The following KIAA0319L variants were observed in gnomAD, a reference collection of about 807,000 sequenced individuals.
KIAA0319L encodes the protein KIAA0319 like, also known as dyslexia-associated protein KIAA0319-like protein.
KIAA0319L carries 55 observed loss-of-function variants against 120.1 expected under a neutral mutation model. The observed-to-expected ratio is 0.46, with a 90% CI of 0.37 to 0.57. The LOEUF is 0.57. Ranked by LOEUF, KIAA0319L falls within the 20% of genes least tolerant of loss-of-function variation. The pLI is 0.00. For synonymous variants in KIAA0319L, 398 were observed against 471.9 expected, an observed-to-expected ratio of 0.84 and a Z score of 2.03; for missense variants, 1,049 against 1,255.3, an observed-to-expected ratio of 0.84 and a Z score of 2.48.
intron 8 of KIAA0319L, 77 bp downstream of exon 8, chr1:35,462,544 A>G (rs1642971686): frequency 8.0e-7 from 1 of 1,256,962 alleles, no homozygotes; most frequent in Non-Finnish European, 1.2e-6. Flanking sequence ...AGCTGGCCCC[A>G]AATCTTCTAC....
intron 3 of KIAA0319L, among the ~76,000 whole-genome samples, chr1:35,495,862 A>G (rs1249733683): frequency 7.4e-6 from 1 of 135,344 alleles, no homozygotes; most frequent in Non-Finnish European, 1.5e-5. Flanking sequence ...TTAACACTCT[A>G]CAAAAAAAAA....
In KIAA0319L at chr1:35,474,981, A is replaced by C. The variant is rs1643855151; in HGVS notation, c.914-75T>G. The C allele has an allele frequency of 3.5e-6, 3 of 854,110 alleles. 1 individual carries two copies. The South Asian group carries it at 4.6e-5, about 13-fold the overall frequency. 52.9% of individuals were successfully genotyped at this position (854,110 alleles called of 1,614,324 possible). A position where few individuals can be genotyped will look rare whatever the true frequency, so the allele number is the denominator to read the frequency against. ...TTATTTCTCTCTTTCTTTTGTGATCAAACTCCTTTCATGATCAATATTCAG... is the reference window on the plus strand; with the variant it reads ...TTATTTCTCTCTTTCTTTTGTGATCCAACTCCTTTCATGATCAATATTCAG... On this transcript the variant is annotated intron_variant, in intron 4 of 20. Transcript: ENST00000325722.
At chr1:35,507,408 A>C (rs1645247170) in intron 2 of KIAA0319L, among the ~76,000 whole-genome samples, 1 of 152,148 alleles carries the variant, frequency 6.6e-6, no homozygotes, top group Non-Finnish European at 1.5e-5. Context: ...ATGTCACTTC[A>C]TAAACAGGAA....
intron 2 of KIAA0319L, among the ~76,000 whole-genome samples, chr1:35,513,294 T>TA (rs1645547418): frequency 7.8e-6 from 1 of 128,324 alleles, no homozygotes; most frequent in Non-Finnish European, 1.6e-5. Flanking sequence ...ATATATTTTT[T>TA]TTTTTTTTTT....
At chr1:35,554,024 G>A (rs990746752) in intron 2 of KIAA0319L, among the ~76,000 whole-genome samples, 1 of 152,170 alleles carries the variant, frequency 6.6e-6, no homozygotes, top group African/African-American at 2.4e-5. Flanking sequence ...AAACCATGAG[G>A]TAGATAATAA....
chr1:35,513,286 ATATTTTTTT>A (rs1236631719), intron 2 of KIAA0319L, among the ~76,000 whole-genome samples: 2 of 102,778 alleles, frequency 1.9e-5, no homozygotes, highest in African/African-American at 8.1e-5. Flanking sequence ...ATATATATAT[ATATTTTTTT>A]TTTTTTTTTT....
chr1:35,449,809 G>C, intron 15 of KIAA0319L, 58 bp downstream of exon 15: 1 of 1,593,490 alleles, frequency 6.3e-7, no homozygotes, highest in South Asian at 1.1e-5. Flanking sequence ...TCTCAGGATA[G>C]AGGCCTTGAT....
intron 20 of KIAA0319L, 45 bp downstream of exon 20, chr1:35,441,002 G>A (rs1641168548): frequency 2.8e-6 from 4 of 1,451,058 alleles, no homozygotes; most frequent in Non-Finnish European, 3.9e-6. Context: ...GCCTTCCACA[G>A]AGAGAGTGCA....
chr1:35,528,405 T>G (rs980528737), intron 2 of KIAA0319L, among the ~76,000 whole-genome samples: 1 of 152,232 alleles, frequency 6.6e-6, no homozygotes, highest in Non-Finnish European at 1.5e-5. Context: ...AGGTGCATGT[T>G]GTTTAATTTC....
At position 35,443,089 on chromosome 1, in the gene KIAA0319L, C is replaced by A. The variant is rs891723245; in HGVS notation, c.2657-61G>T. 14 of 1,607,716 alleles carry A rather than the reference C, an allele frequency of 8.7e-6. No homozygotes were observed. In the African/African-American group the frequency reaches 1.7e-4, roughly 20 times the overall value. On this transcript the variant is annotated intron_variant, in intron 17 of 20. Coordinates refer to ENST00000325722, the MANE Select transcript of KIAA0319L (RefSeq NM_024874.5). ...ACTCAGCCAGGGGTGACAAGCAGCACCTAGAGCCCATGAGGGCACCAAAGC... is the reference window on the plus strand; with the variant it reads ...ACTCAGCCAGGGGTGACAAGCAGCAACTAGAGCCCATGAGGGCACCAAAGC...
chr1:35,498,006 C>G (rs929948380), intron 3 of KIAA0319L, among the ~76,000 whole-genome samples: 3 of 152,058 alleles, frequency 2.0e-5, no homozygotes, highest in African/African-American at 7.2e-5. Flanking sequence ...GAAACAGAAA[C>G]AGGAGACATG....
chr1:35,554,871 T>C (rs1421387064), intron 1 of KIAA0319L: 1 of 158,280 alleles, frequency 6.3e-6, no homozygotes, highest in Non-Finnish European at 1.4e-5. Context: ...CTAACAGCTT[T>C]GTGACTTTGA....
chr1:35,514,166 AT>A (rs1027830463), intron 2 of KIAA0319L, among the ~76,000 whole-genome samples: 2 of 152,178 alleles, frequency 1.3e-5, no homozygotes, highest in Admixed American at 1.3e-4. Context: ...AAAGATCATT[AT>A]AAAGACCAGG....
chr1:35,437,950 G>A lies in KIAA0319L; in HGVS notation c.2963-2869C>T, dbSNP rs1444810338. 6.6e-6 allele frequency among the ~76,000 whole-genome samples: 1 copy of A among 152,108 alleles called. No homozygotes were observed. The highest frequency in any genetic ancestry group is 1.5e-5 in the Non-Finnish European group (1 of 68,022). The stretch of plus-strand genomic sequence containing the variant: ...CATCTCTCGGTTGGAAGTCAGCCCT[G>A]ACCTTGCCAGACCTAGCTATAACCC... On this transcript the variant is annotated intron_variant, in intron 20 of 20. Coordinates refer to ENST00000325722, the MANE Select transcript of KIAA0319L (RefSeq NM_024874.5). This position sits in a 1 kb window ranked among gnomAD's most constrained non-coding sequence, Gnocchi z 4.1.
intron 2 of KIAA0319L, among the ~76,000 whole-genome samples, chr1:35,530,163 G>A (rs112337537): frequency 1.3e-5 from 2 of 150,566 alleles, no homozygotes; most frequent in Non-Finnish European, 2.9e-5. Context: ...AGCCTCCTGC[G>A]TAGCTGCGAC....
At chr1:35,533,206 A>C (rs1172438628) in intron 2 of KIAA0319L, 1 of 152,202 alleles carries the variant, frequency 6.6e-6, no homozygotes, top group African/African-American at 2.4e-5. Context: ...TTCTCAAGCA[A>C]ACTTGAAAAC....
At chr1:35,466,310 A>C (rs1401786930) in intron 7 of KIAA0319L, among the ~76,000 whole-genome samples, 2 of 152,012 alleles carry the variant, frequency 1.3e-5, no homozygotes, top group Admixed American at 1.3e-4. Flanking sequence ...GTGTCTGTTA[A>C]TTACAACTCA....
At chr1:35,474,752 T>A (rs1643840143) in intron 5 of KIAA0319L, 53 bp downstream of exon 5, 2 of 1,032,928 alleles carry the variant, frequency 1.9e-6, no homozygotes, top group Middle Eastern at 2.0e-4. Flanking sequence ...ACAGCAAGAC[T>A]CCATCTCTTT....
chr1:35,458,287 AC>A (rs1440778346), intron 9 of KIAA0319L, among the ~76,000 whole-genome samples: 2 of 152,138 alleles, frequency 1.3e-5, no homozygotes, highest in Admixed American at 6.5e-5. Context: ...GGACAAAAGC[AC>A]CTTATAGACA....
Sources: allele counts gnomAD v4.1 joint callset (sites outside exome capture counted in the v4.1 genomes callset), GRCh38; gene constraint gnomAD v4.1.1; non-coding constraint Gnocchi (gnomAD v3.1); transcripts MANE v1.5; gene names NCBI Gene and HGNC (gene_info 2026-07-23, HGNC 2026-07-21).